GRIA4: variants seen among roughly 807,000 people sequenced by gnomAD.
The protein encoded by GRIA4 is glutamate ionotropic receptor AMPA type subunit 4, also known as glutamate receptor 4.
A neutral mutation model predicts 104.0 loss-of-function variants in GRIA4; 34 were observed. That is an observed-to-expected ratio of 0.33 (90% CI 0.25 to 0.44). The LOEUF is 0.44. Among genes scored for constraint, GRIA4 ranks in the 20% least tolerant of loss-of-function variants. The pLI is 1.00. For missense variants in GRIA4, 750 were observed against 1,096.5 expected, an observed-to-expected ratio of 0.68 and a Z score of 4.46; for synonymous variants, 386 against 381.9, an observed-to-expected ratio of 1.01 and a Z score of -0.13.
chr11:105,641,933 G>C (rs1951372386), intron 3 of GRIA4, among the ~76,000 whole-genome samples: 1 of 152,136 alleles, frequency 6.6e-6, no homozygotes, highest in Admixed American at 6.5e-5. Flanking sequence ...GAGGCCGAAA[G>C]TCTGAGATCA....
At chr11:105,813,689 A>T (rs890742537) in intron 4 of GRIA4, among the ~76,000 whole-genome samples, 1 of 151,854 alleles carries the variant, frequency 6.6e-6, no homozygotes. Context: ...AACCCATCTA[A>T]CCCCTCATTT....
intron 4 of GRIA4, among the ~76,000 whole-genome samples, chr11:105,828,806 C>G (rs1447835009): frequency 6.6e-6 from 1 of 151,920 alleles, no homozygotes; most frequent in East Asian, 1.9e-4. Flanking sequence ...TCCTCATAGC[C>G]TTATATCTTT....
intron 6 of GRIA4, 24 bp from the exon 7 acceptor site, chr11:105,898,244 CA>C (rs753594864): frequency 2.5e-5 from 31 of 1,247,620 alleles, no homozygotes; most frequent in Non-Finnish European, 3.1e-5. Flanking sequence ...CTAAATTTAA[CA>C]ATCTTTTGTA....
At chr11:105,741,072 C>T (rs1352240077) in intron 3 of GRIA4, among the ~76,000 whole-genome samples, 5 of 151,860 alleles carry the variant, frequency 3.3e-5, no homozygotes, top group African/African-American at 9.7e-5. Context: ...AAAATGGCAG[C>T]GTAATGGAGA....
chr11:105,895,249 A>G (rs988433802), intron 6 of GRIA4, among the ~76,000 whole-genome samples: 6 of 42,454 alleles, frequency 1.4e-4, no homozygotes. Context: ...CTACGAGCTC[A>G]TGCGTGTGTG....
intron 4 of GRIA4, among the ~76,000 whole-genome samples, chr11:105,854,172 G>A (rs765710547): frequency 6.6e-6 from 1 of 152,096 alleles, no homozygotes; most frequent in Non-Finnish European, 1.5e-5. Flanking sequence ...AGGTGAGTGA[G>A]TAAAATCTAG....
At chr11:105,662,024 T>TGTGTGC (rs1409485476) in intron 3 of GRIA4, among the ~76,000 whole-genome samples, 1 of 151,406 alleles carries the variant, frequency 6.6e-6, no homozygotes, top group African/African-American at 2.4e-5. Context: ...TGTGTGTGTG[T>TGTGTGC]GCACATCAAA....
chr11:105,794,430 G>A (rs200232264), intron 4 of GRIA4, among the ~76,000 whole-genome samples: 728 of 53,026 alleles, frequency 0.014, 32 homozygotes, highest in East Asian at 0.12. Context: ...TGTGTGTGCC[G>A]GGGTGTGTGT....
At position 105,712,905 on chromosome 11, in the gene GRIA4, A is replaced by G. The variant is rs1261003399; in HGVS notation, c.248-40076A>G. On this transcript the variant is annotated intron_variant, in intron 3 of 16. Coordinates refer to ENST00000282499, the MANE Select transcript of GRIA4 (RefSeq NM_000829.4). ...AGCAAAAAGGATTTAATAAAGGGAA[A>G]CCACATATTTAATTTAAATATCTCA... Among the ~76,000 whole-genome samples, 5 of 152,038 alleles carry G rather than the reference A, an allele frequency of 3.3e-5. No individual in the cohort carries two copies. The East Asian group carries it at 5.8e-4, about 18-fold the overall frequency.
At chr11:105,676,268 G>C (rs1340342749) in intron 3 of GRIA4, among the ~76,000 whole-genome samples, 2 of 151,634 alleles carry the variant, frequency 1.3e-5, no homozygotes, top group African/African-American at 4.8e-5. Context: ...ATATTTTCCA[G>C]GAACCAGCAG....
intron 3 of GRIA4, among the ~76,000 whole-genome samples, chr11:105,651,304 T>C (rs1951680161): frequency 6.6e-6 from 1 of 152,148 alleles, no homozygotes; most frequent in Admixed American, 6.5e-5. Flanking sequence ...TCTACAACTG[T>C]ATTAGGTAAA....
At chr11:105,733,862 G>A (rs1483580980) in intron 3 of GRIA4, among the ~76,000 whole-genome samples, 4 of 151,232 alleles carry the variant, frequency 2.6e-5, no homozygotes, top group African/African-American at 9.7e-5. Context: ...ATATCACACT[G>A]TACTGGGTTT....
At chr11:105,755,877 T>C (rs1027770750) in intron 4 of GRIA4, among the ~76,000 whole-genome samples, 24 of 152,268 alleles carry the variant, frequency 1.6e-4, no homozygotes, top group African/African-American at 5.1e-4. Flanking sequence ...CTCGGACTGG[T>C]ACTTATGCCA....
intron 4 of GRIA4, among the ~76,000 whole-genome samples, chr11:105,790,453 T>C (rs1229866787): frequency 2.0e-5 from 3 of 152,198 alleles, no homozygotes; most frequent in East Asian, 1.9e-4. Flanking sequence ...AGGTGATCTA[T>C]GAGCTTAGTT....
chr11:105,777,217 G>A (rs1317424093), intron 4 of GRIA4, among the ~76,000 whole-genome samples: 4 of 152,040 alleles, frequency 2.6e-5, no homozygotes, highest in Non-Finnish European at 4.4e-5. Context: ...TAATGAACAG[G>A]TATTGCTCTT....
intron 3 of GRIA4, among the ~76,000 whole-genome samples, chr11:105,721,138 G>A (rs1471400297): frequency 6.6e-6 from 1 of 151,978 alleles, no homozygotes; most frequent in African/African-American, 2.4e-5. Context: ...CCTATGTTTT[G>A]GGGTTTTTAA....
At chr11:105,754,634 G>T (rs1363616648) in intron 4 of GRIA4, among the ~76,000 whole-genome samples, 1 of 152,126 alleles carries the variant, frequency 6.6e-6, no homozygotes, top group Non-Finnish European at 1.5e-5. Context: ...TTTTTCAGCT[G>T]GAGGAACAAC....
chr11:105,877,691 G>T (rs2136070710), intron 5 of GRIA4, among the ~76,000 whole-genome samples: 1 of 152,152 alleles, frequency 6.6e-6, no homozygotes. Flanking sequence ...TCTTCTCCAT[G>T]ATCAATTCAG....
Position 105,926,841 on chromosome 11 carries a change from C to T in GRIA4, c.1948C>T (p.Arg650Ter), listed in dbSNP as rs1165849601. Residue 650 changes from arginine to a stop codon, truncating the protein, a stop_gained, in exon 13 of 17, where the codon CGA becomes TGA. Transcript: ENST00000282499. LOFTEE classifies it high-confidence loss of function. ...CCTCGCTGCTTTCCTGACGGTTGAG[C>T]GAATGGTCTCTCCCATAGAAAGTGC... ...ANLAAFLTVERMVSPIESAED... is the reference protein window; with the variant it reads ...ANLAAFLTVE The T allele has an allele frequency of 6.2e-7, 1 of 1,609,836 alleles. No homozygotes were observed. Among genetic ancestry groups the T allele is most frequent in the Non-Finnish European group, 8.5e-7 (1 of 1,176,498 alleles).
Sources: gnomAD v4.1 joint callset for allele counts (sites outside exome capture counted in the v4.1 genomes callset) on GRCh38, gnomAD v4.1.1 for gene constraint, MANE v1.5 for transcripts, NCBI Gene and HGNC (gene_info 2026-07-23, HGNC 2026-07-21) for gene names.